Variants in SUGCT observed in about 807,000 individuals in gnomAD.
SUGCT encodes succinyl-CoA:glutarate CoA-transferase.
Under a neutral mutation model 55.0 loss-of-function variants are expected in SUGCT, and 41 were observed. The observed-to-expected ratio is 0.74, with a 90% CI of 0.58 to 0.97. The LOEUF is 0.97. Ranked by LOEUF, SUGCT falls within the 50% of genes least tolerant of loss-of-function variation. The pLI is 0.00. For synonymous variants in SUGCT, 187 were observed against 200.4 expected, an observed-to-expected ratio of 0.93 and a Z score of 0.56; for missense variants, 568 against 547.8, an observed-to-expected ratio of 1.04 and a Z score of -0.37.
chr7:40,564,647 A>G (rs1490184291), intron 12 of SUGCT, among the ~76,000 whole-genome samples: 1 of 152,312 alleles, frequency 6.6e-6, no homozygotes, highest in East Asian at 1.9e-4. Flanking sequence ...TTGACAATGA[A>G]GAAAATTGTA....
the SUGCT span, among the ~76,000 whole-genome samples, chr7:40,913,345 T>C: frequency 6.6e-6 from 1 of 152,136 alleles, no homozygotes; most frequent in African/African-American, 2.4e-5. Context: ...TTTAGAAATA[T>C]TAAAATGGAA....
At chr7:40,811,913 G>A (rs1439406845) in intron 13 of SUGCT, among the ~76,000 whole-genome samples, 1 of 152,028 alleles carries the variant, frequency 6.6e-6, no homozygotes, top group South Asian at 2.1e-4. Flanking sequence ...GTCATAGATG[G>A]CTATGACTAT....
intron 12 of SUGCT, among the ~76,000 whole-genome samples, chr7:40,654,966 G>A (rs1325759007): frequency 6.6e-6 from 1 of 152,102 alleles, no homozygotes; most frequent in East Asian, 1.9e-4. Context: ...CAACTTAGGC[G>A]AAAGGCAATT....
At chr7:40,479,384 T>A (rs1583788915) in intron 11 of SUGCT, among the ~76,000 whole-genome samples, 1 of 152,156 alleles carries the variant, frequency 6.6e-6, no homozygotes, top group Admixed American at 6.6e-5. Context: ...AATAACATGC[T>A]GTACAGGTTT....
rs146677785 is a variant in SUGCT, at chr7:40,735,400, G to A, written c.1090-14034G>A. Among the ~76,000 whole-genome samples, 65 of 152,268 alleles carry A rather than the reference G, an allele frequency of 4.3e-4. No individual in the cohort carries two copies. The East Asian group carries it at 9.3e-3, about 22-fold the overall frequency. On this transcript the variant is annotated intron_variant, in intron 12 of 13. Transcript: ENST00000335693. ...ACACCAAATTAAGACTTCAAATGTA[G>A]CTTAAAGAGGATACAGTGACATCTG...
Position 40,181,935 on chromosome 7 carries a change from T to A in SUGCT, c.153-20T>A. On this transcript the variant is annotated intron_variant, in intron 2 of 13. Transcript: ENST00000335693. ...TTTTCAAGATGGTAATTAATTTATT[T>A]ATCATTTTTAACATTGTAGAGTCCT... 6.9e-7 allele frequency: 1 copy of A among 1,444,778 alleles called. No individual in the cohort carries two copies. The allele number at this position is 1,444,778 out of a possible 1,614,324, so 89.5% of individuals were successfully genotyped here.
At chr7:40,779,618 G>A (rs1244248677) in intron 13 of SUGCT, among the ~76,000 whole-genome samples, 1 of 152,154 alleles carries the variant, frequency 6.6e-6, no homozygotes, top group Admixed American at 6.5e-5. Context: ...GAAATTGAGG[G>A]TGGGCAAGGA....
intron 8 of SUGCT, among the ~76,000 whole-genome samples, chr7:40,309,513 T>C (rs546686581): frequency 1.3e-5 from 2 of 152,286 alleles, no homozygotes; most frequent in South Asian, 4.2e-4. Context: ...CAGGCTGGTC[T>C]TGAATTCCTG....
Position 40,506,615 on chromosome 7 carries a change from C to A in SUGCT, c.1089+10229C>A, listed in dbSNP as rs548109709. Among the ~76,000 whole-genome samples the A allele has an allele frequency of 1.4e-4, 22 of 152,002 alleles. 1 individual carries two copies. Among genetic ancestry groups the A allele is most frequent in the Middle Eastern group, 3.4e-3 (1 of 294 alleles). On this transcript the variant is annotated intron_variant, in intron 12 of 13. Coordinates refer to ENST00000335693, the MANE Select transcript of SUGCT (RefSeq NM_001193313.2). ...CTGAATAGTTTTCAGCCATTTTTTTCTTTGATTTTTAAAAATTCTTCTTTC... is the reference window on the plus strand; with the variant it reads ...CTGAATAGTTTTCAGCCATTTTTTTATTTGATTTTTAAAAATTCTTCTTTC...
At chr7:40,564,257 T>C (rs999633142) in intron 12 of SUGCT, among the ~76,000 whole-genome samples, 15 of 152,254 alleles carry the variant, frequency 9.9e-5, no homozygotes, top group African/African-American at 3.6e-4. Context: ...GCGCCTGTAG[T>C]CCCAGTTACT....
At chr7:40,963,896 G>A in the SUGCT span, among the ~76,000 whole-genome samples, 1 of 152,164 alleles carries the variant, frequency 6.6e-6, no homozygotes, top group African/African-American at 2.4e-5. Context: ...CTGCATTTAT[G>A]TGAGGCTGAC....
At chr7:40,307,707 G>A (rs111490557) in intron 8 of SUGCT, among the ~76,000 whole-genome samples, 1 of 152,162 alleles carries the variant, frequency 6.6e-6, no homozygotes, top group Non-Finnish European at 1.5e-5. Flanking sequence ...ACTGATAAAC[G>A]TGGTGCAGAT....
At chr7:40,216,232 T>C (rs533357505) in intron 6 of SUGCT, among the ~76,000 whole-genome samples, 3 of 152,076 alleles carry the variant, frequency 2.0e-5, no homozygotes, top group Non-Finnish European at 4.4e-5. Context: ...CTGGGCGTGG[T>C]AGCTCACGCC....
chr7:40,899,074 C>A, the SUGCT span, among the ~76,000 whole-genome samples: 7 of 152,128 alleles, frequency 4.6e-5, no homozygotes, highest in Admixed American at 4.6e-4. Flanking sequence ...GTAGAACCCC[C>A]CAGAGCTCTG....
intron 9 of SUGCT, among the ~76,000 whole-genome samples, chr7:40,337,250 G>A (rs12670603): frequency 6.6e-6 from 1 of 152,186 alleles, no homozygotes; most frequent in Non-Finnish European, 1.5e-5. Context: ...GAGTTCTGTA[G>A]ATGTCTATTA....
At chr7:40,251,384 A>C (rs4723938) in intron 7 of SUGCT, among the ~76,000 whole-genome samples, 55,724 of 151,992 alleles carry the variant, frequency 0.37, 10,236 homozygotes, top group East Asian at 0.46. Flanking sequence ...ATAACATGTA[A>C]ATTCTATACT....
chr7:40,627,117 T>C (rs1562910011), intron 12 of SUGCT, among the ~76,000 whole-genome samples: 1 of 152,218 alleles, frequency 6.6e-6, no homozygotes, highest in Non-Finnish European at 1.5e-5. Context: ...AAGAAGAGGA[T>C]GTGGAGTCAA....
the SUGCT span, among the ~76,000 whole-genome samples, chr7:40,950,859 C>T: frequency 1.3e-5 from 2 of 152,048 alleles, no homozygotes; most frequent in Non-Finnish European, 2.9e-5. Flanking sequence ...TTCAGTTTGC[C>T]AGTATTTTAT....
chr7:40,971,227 A>G, the SUGCT span, among the ~76,000 whole-genome samples: 1 of 152,068 alleles, frequency 6.6e-6, no homozygotes. Context: ...GGTGCCACAC[A>G]CTTTTACACA....
Sources: allele counts gnomAD v4.1 joint callset (sites outside exome capture counted in the v4.1 genomes callset), GRCh38; gene constraint gnomAD v4.1.1; transcripts MANE v1.5; gene names NCBI Gene and HGNC (gene_info 2026-07-23, HGNC 2026-07-21).